ASXL3: variants seen among roughly 807,000 people sequenced by gnomAD.
ASXL3 encodes putative Polycomb group protein ASXL3.
In ASXL3, 34 loss-of-function variants were observed where a neutral mutation model predicts 170.6. The observed-to-expected ratio is 0.20, with a 90% confidence interval of 0.15 to 0.27. ASXL3 has a LOEUF of 0.27. ASXL3 is among the 10% of genes least tolerant of loss of function. The pLI is 1.00. For missense variants in ASXL3, 2,592 were observed against 2,695.3 expected (o/e 0.96, Z 0.85); for synonymous variants, 1,002 against 989.1 (o/e 1.01, Z -0.24).
In ASXL3 at chr18:33,738,803, G is replaced by A. The variant is rs867684328; in HGVS notation, c.1399G>A (p.Asp467Asn). The stretch of plus-strand genomic sequence containing the variant: ...AGAGACTAGTATCTGTGAATGCCAG[G>A]ATGAAAATCATAAGACAATACCTGA... ...EVETSICECQDENHKTIPEFS... is the reference protein window; with the variant it reads ...EVETSICECQNENHKTIPEFS... Residue 467 changes from aspartate to asparagine, a missense_variant, in exon 11 of 12, where the codon GAT becomes AAT. Coordinates refer to ENST00000269197, the MANE Select transcript of ASXL3 (RefSeq NM_030632.3). The A allele has an allele frequency of 1.2e-6, 2 of 1,613,510 alleles. No individual in the cohort carries two copies. The highest frequency in any genetic ancestry group is 2.7e-5 in the African/African-American group (2 of 74,902).
At chr18:33,726,032 C>G (rs1275538265) in intron 8 of ASXL3, among the ~76,000 whole-genome samples, 2 of 152,126 alleles carry the variant, frequency 1.3e-5, no homozygotes, top group Non-Finnish European at 2.9e-5. Context: ...CTCTACACTG[C>G]AGTAGGAGTA....
intron 4 of ASXL3, among the ~76,000 whole-genome samples, chr18:33,660,802 A>G (rs578228683): frequency 9.2e-5 from 14 of 152,274 alleles, no homozygotes; most frequent in Middle Eastern, 3.4e-3. Flanking sequence ...GAAGGAGTCA[A>G]ATGAGGACTC....
At chr18:33,725,517 A>G (rs1017665520) in intron 8 of ASXL3, among the ~76,000 whole-genome samples, 4 of 152,080 alleles carry the variant, frequency 2.6e-5, no homozygotes, top group African/African-American at 9.7e-5. Flanking sequence ...CTCTGCTTTA[A>G]GCCACCTTCT....
chr18:33,727,431 C>A (rs1303631513), intron 8 of ASXL3, among the ~76,000 whole-genome samples: 1 of 152,062 alleles, frequency 6.6e-6, no homozygotes, highest in Non-Finnish European at 1.5e-5. Context: ...AGTTGGCACC[C>A]ATTCCTTAAA....
At chr18:33,669,934 A>G (rs886511869) in intron 5 of ASXL3, among the ~76,000 whole-genome samples, 1 of 152,202 alleles carries the variant, frequency 6.6e-6, no homozygotes, top group African/African-American at 2.4e-5. Flanking sequence ...AATGTCTTTT[A>G]TTACATTATC....
intron 8 of ASXL3, among the ~76,000 whole-genome samples, chr18:33,728,538 C>T (rs1419853675): frequency 1.3e-5 from 2 of 152,048 alleles, no homozygotes; most frequent in Non-Finnish European, 2.9e-5. Flanking sequence ...CTATCTTGTC[C>T]TCATCCTTAT....
At chr18:33,728,697 T>G (rs1289117788) in intron 8 of ASXL3, among the ~76,000 whole-genome samples, 2 of 152,178 alleles carry the variant, frequency 1.3e-5, no homozygotes, top group African/African-American at 2.4e-5. Context: ...TTCTTAATCC[T>G]GAAGACCTTC....
chr18:33,651,341 TC>T (rs2145211231), intron 4 of ASXL3, among the ~76,000 whole-genome samples: 1 of 152,166 alleles, frequency 6.6e-6, no homozygotes, highest in East Asian at 1.9e-4. Context: ...TTTCCACACT[TC>T]CTACAGCTGT....
intron 2 of ASXL3, among the ~76,000 whole-genome samples, chr18:33,620,669 C>G (rs1297285871): frequency 6.6e-6 from 1 of 152,140 alleles, no homozygotes; most frequent in East Asian, 1.9e-4. Context: ...TTATAAGTTA[C>G]TTTTTATAGT....
chr18:33,658,492 G>A (rs1279514205), intron 4 of ASXL3, among the ~76,000 whole-genome samples: 2 of 152,232 alleles, frequency 1.3e-5, no homozygotes, highest in South Asian at 2.1e-4. Context: ...GTATTTGTCA[G>A]TAATTTAAAA....
At chr18:33,700,769 G>A (rs2066860022) in intron 8 of ASXL3, among the ~76,000 whole-genome samples, 2 of 152,010 alleles carry the variant, frequency 1.3e-5, no homozygotes, top group African/African-American at 4.8e-5. Context: ...TAGCCATATG[G>A]GTGTATCCAA....
In ASXL3 at chr18:33,732,074, T is replaced by C; in HGVS notation, c.976+10T>C. 6.2e-7 allele frequency: 1 copy of C among 1,601,692 alleles called. No individual in the cohort carries two copies. Among genetic ancestry groups the C allele is most frequent in the Non-Finnish European group, 8.5e-7 (1 of 1,170,534 alleles). On this transcript the variant is annotated intron_variant, in intron 9 of 11. Transcript: ENST00000269197. ...CAGCGACTGGCAGAAGGTAAATTTG[T>C]ATTTTCTATTATTATGTGACATATT... is the stretch of plus-strand genomic sequence containing the variant.
chr18:33,647,970 A>T (rs573777396), intron 4 of ASXL3, among the ~76,000 whole-genome samples: 1 of 152,062 alleles, frequency 6.6e-6, no homozygotes, highest in South Asian at 2.1e-4. Flanking sequence ...TTACAAAGGC[A>T]TTGAGGCAGG....
chr18:33,668,010 T>C (rs1044371990), intron 5 of ASXL3, among the ~76,000 whole-genome samples: 1 of 152,228 alleles, frequency 6.6e-6, no homozygotes, highest in African/African-American at 2.4e-5. Flanking sequence ...ATTTTCTGTT[T>C]AAAGCATCTT....
chr18:33,594,542 T>C (rs1325177658), intron 1 of ASXL3, among the ~76,000 whole-genome samples: 2 of 152,146 alleles, frequency 1.3e-5, no homozygotes, highest in East Asian at 1.9e-4. Context: ...CCCTATTTCA[T>C]AGCAACAAAC....
intron 8 of ASXL3, among the ~76,000 whole-genome samples, chr18:33,688,683 A>G (rs982792130): frequency 1.3e-5 from 2 of 152,212 alleles, no homozygotes; most frequent in South Asian, 2.1e-4. Flanking sequence ...CAAATGTACA[A>G]TGTGCCAATC....
intron 8 of ASXL3, among the ~76,000 whole-genome samples, chr18:33,702,937 T>C (rs2066900203): frequency 6.6e-6 from 1 of 152,162 alleles, no homozygotes; most frequent in Admixed American, 6.5e-5. Flanking sequence ...CATTAATTGC[T>C]GCCTGATTGC....
intron 7 of ASXL3, among the ~76,000 whole-genome samples, chr18:33,677,417 A>T (rs2145270393): frequency 6.6e-6 from 1 of 152,314 alleles, no homozygotes; most frequent in South Asian, 2.1e-4. Flanking sequence ...AATTTAATTA[A>T]TTTTAGATTA....
chr18:33,606,126 GT>G (rs1241334674), intron 1 of ASXL3, among the ~76,000 whole-genome samples: 2 of 151,698 alleles, frequency 1.3e-5, no homozygotes, highest in Non-Finnish European at 1.5e-5. Flanking sequence ...CTATTATGCA[GT>G]TTCCTTATTG....
Sources: gnomAD v4.1 joint callset for allele counts (sites outside exome capture counted in the v4.1 genomes callset) on GRCh38, gnomAD v4.1.1 for gene constraint, MANE v1.5 for transcripts, NCBI Gene and HGNC (gene_info 2026-07-23, HGNC 2026-07-21) for gene names.